BARD1: variants seen among roughly 807,000 people sequenced by gnomAD.
BARD1 encodes the protein BRCA1 associated RING domain 1.
Under a neutral mutation model 77.0 loss-of-function variants are expected in BARD1, and 73 were observed. The ratio of observed to expected loss-of-function variants is 0.95; its 90% CI spans 0.79 to 1.15. The LOEUF (loss-of-function observed/expected upper bound fraction) is 1.15, where lower values mean the gene tolerates loss of function less well. Among genes scored for constraint, BARD1 ranks in the 50% most tolerant of loss-of-function variants. BARD1 has a pLI of 0.00. For synonymous variants in BARD1, 384 were observed against 338.0 expected, an observed-to-expected ratio of 1.14 and a Z score of -1.49; for missense variants, 993 against 938.8, an observed-to-expected ratio of 1.06 and a Z score of -0.75.
At chr2:214,746,978 G>C (rs1291682929) in intron 7 of BARD1, among the ~76,000 whole-genome samples, 1 of 151,958 alleles carries the variant, frequency 6.6e-6, no homozygotes, top group Admixed American at 6.6e-5. Flanking sequence ...CTAATATCCA[G>C]GATCTACAAT....
chr2:214,792,141 A>G (rs1428075524), intron 3 of BARD1, among the ~76,000 whole-genome samples, 156 bp downstream of exon 3: 2 of 149,186 alleles, frequency 1.3e-5, no homozygotes, highest in Admixed American at 6.8e-5. Flanking sequence ...GAGAGACTCA[A>G]TGGCTATTTA....
At chr2:214,788,885 G>A (rs945632067) in intron 3 of BARD1, among the ~76,000 whole-genome samples, 1 of 152,004 alleles carries the variant, frequency 6.6e-6, no homozygotes, top group Admixed American at 6.6e-5. Flanking sequence ...CAAAGGTACT[G>A]CGTAAAATAC....
intron 9 of BARD1, among the ~76,000 whole-genome samples, chr2:214,743,504 T>C (rs1367166051): frequency 6.6e-6 from 1 of 152,200 alleles, no homozygotes; most frequent in Non-Finnish European, 1.5e-5. Context: ...CAGTGTCCAA[T>C]GTTAACATCT....
rs763018536 is a variant in BARD1, at chr2:214,745,111, C to T, written c.1859G>A (p.Cys620Tyr). Reference sequence around the variant, plus strand: ...GCATCCATTGAGAATCCCAAGCATACACTTCAAGGTACTTTGAACTGCATC... The same window carrying T: ...GCATCCATTGAGAATCCCAAGCATATACTTCAAGGTACTTTGAACTGCATC... ...PGDAVQSTLK[C>Y]MLGILNGCWI... Residue 620 changes from cysteine to tyrosine, a missense_variant, in exon 9 of 11, where the codon TGT (cysteine) becomes TAT (tyrosine). By Grantham distance (194) the Cys-to-Tyr change is radical (BLOSUM62 -2). Coordinates refer to ENST00000260947, the MANE Select transcript of BARD1 (RefSeq NM_000465.4). The T allele has an allele frequency of 6.2e-7, 1 of 1,614,068 alleles. No individual in the cohort carries two copies. The highest frequency in any genetic ancestry group is 1.1e-5 in the South Asian group (1 of 91,080).
intron 9 of BARD1, among the ~76,000 whole-genome samples, chr2:214,731,557 T>C (rs1035516627): frequency 3.3e-5 from 5 of 152,202 alleles, no homozygotes; most frequent in African/African-American, 9.6e-5. Flanking sequence ...TCCTTGCCTA[T>C]GGAAATAAAA....
intron 4 of BARD1, among the ~76,000 whole-genome samples, 194 bp from the exon 5 acceptor site, chr2:214,769,506 C>T (rs1248641126): frequency 6.6e-6 from 1 of 152,164 alleles, no homozygotes; most frequent in East Asian, 1.9e-4. Context: ...CTTTGAGAGG[C>T]CAAGGTGGGT....
At chr2:214,778,740 G>A (rs545262449) in intron 4 of BARD1, among the ~76,000 whole-genome samples, 1 of 152,212 alleles carries the variant, frequency 6.6e-6, no homozygotes, top group African/African-American at 2.4e-5. Flanking sequence ...GAGATTTCAT[G>A]GCCTGCAAAG....
Position 214,776,551 on chromosome 2 carries a change from T to C in BARD1, c.1314+4009A>G, listed in dbSNP as rs562132141. 1.2e-4 allele frequency among the ~76,000 whole-genome samples: 19 copies of C among 152,276 alleles called. No individual in the cohort carries two copies. The South Asian group carries it at 2.9e-3, about 23-fold the overall frequency. ...GAAGAGGGGTATAAAAAAGACTTAC[T>C]GATAGGAGAGCAGAGAAATGATAAT... is the stretch of plus-strand genomic sequence containing the variant. On this transcript the variant is annotated intron_variant, in intron 4 of 10. Coordinates refer to ENST00000260947, the MANE Select transcript of BARD1 (RefSeq NM_000465.4).
chr2:214,761,896 A>G (rs777956899), intron 6 of BARD1, among the ~76,000 whole-genome samples: 3 of 152,222 alleles, frequency 2.0e-5, no homozygotes, highest in Non-Finnish European at 4.4e-5. Context: ...GACAAATGCA[A>G]TAAGAAATAG....
intron 3 of BARD1, among the ~76,000 whole-genome samples, chr2:214,785,454 C>T (rs560054560): frequency 1.7e-3 from 265 of 152,008 alleles, no homozygotes; most frequent in Middle Eastern, 6.8e-3. Context: ...CAGTGGTGAG[C>T]ACATGAATAG....
chr2:214,729,787 C>A (rs1692268092), intron 10 of BARD1, among the ~76,000 whole-genome samples: 1 of 152,130 alleles, frequency 6.6e-6, no homozygotes, highest in Non-Finnish European at 1.5e-5. Context: ...TTTCCGTGGA[C>A]TTTTATCCAA....
intron 6 of BARD1, among the ~76,000 whole-genome samples, chr2:214,760,288 G>T (rs1693894647): frequency 1.3e-5 from 2 of 152,140 alleles, no homozygotes; most frequent in South Asian, 2.1e-4. Context: ...CGCTTCCCAG[G>T]TTCAAGCGAT....
intron 3 of BARD1, among the ~76,000 whole-genome samples, chr2:214,782,855 G>A (rs1695103772): frequency 1.3e-5 from 2 of 152,162 alleles, no homozygotes; most frequent in African/African-American, 4.8e-5. Context: ...AAAGAAAAGA[G>A]TAGAAACAAT....
At chr2:214,760,045 A>G (rs941852383) in intron 6 of BARD1, among the ~76,000 whole-genome samples, 1 of 152,094 alleles carries the variant, frequency 6.6e-6, no homozygotes, top group African/African-American at 2.4e-5. Flanking sequence ...TCTAACTTAT[A>G]TGACTGAGTT....
chr2:214,755,993 T>C (rs1239270454), intron 6 of BARD1, among the ~76,000 whole-genome samples: 1 of 152,240 alleles, frequency 6.6e-6, no homozygotes, highest in Non-Finnish European at 1.5e-5. Context: ...TCAGTTCTTT[T>C]AATGCCTTAT....
chr2:214,777,591 CATAA>C (rs1694790680), intron 4 of BARD1, among the ~76,000 whole-genome samples: 1 of 152,174 alleles, frequency 6.6e-6, no homozygotes, highest in Non-Finnish European at 1.5e-5. Context: ...GGGTACAAAA[CATAA>C]ATAATCACCA....
chr2:214,788,186 A>AT (rs3835755), intron 3 of BARD1, among the ~76,000 whole-genome samples: 43,158 of 149,860 alleles, frequency 0.29, 6,551 homozygotes, highest in East Asian at 0.58. Context: ...TAATCAAAGT[A>AT]TTTTTTTTTT....
chr2:214,747,038 G>A (rs1574742216), intron 7 of BARD1, among the ~76,000 whole-genome samples: 2 of 152,042 alleles, frequency 1.3e-5, no homozygotes, highest in African/African-American at 4.8e-5. Context: ...ATCAACAAGT[G>A]GGCGAAGGAT....
chr2:214,785,694 C>A (rs1695240451), intron 3 of BARD1, among the ~76,000 whole-genome samples: 1 of 149,278 alleles, frequency 6.7e-6, no homozygotes. Context: ...ACTGGATTAG[C>A]AAAAGGTAAT....
Sources: gnomAD v4.1 joint callset for allele counts (sites outside exome capture counted in the v4.1 genomes callset) on GRCh38, gnomAD v4.1.1 for gene constraint, MANE v1.5 for transcripts, NCBI Gene and HGNC (gene_info 2026-07-23, HGNC 2026-07-21) for gene names.